Variants in TEC observed in about 807,000 individuals in gnomAD.
TEC encodes the protein tec protein tyrosine kinase, also known as tyrosine-protein kinase Tec.
TEC carries 72 observed loss-of-function variants against 93.0 expected under a neutral mutation model. That is an observed-to-expected ratio of 0.77 (90% confidence interval 0.64 to 0.94). The LOEUF is 0.94. TEC is among the 40% of genes least tolerant of loss of function. The pLI, the probability that TEC is intolerant of heterozygous loss-of-function variation, is 0.00. For synonymous variants in TEC, 249 were observed against 247.7 expected (o/e 1.01, Z -0.05); for missense variants, 630 against 757.9 (o/e 0.83, Z 1.98).
intron 2 of TEC, among the ~76,000 whole-genome samples, chr4:48,209,438 CA>C (rs200833080): frequency 2.0e-5 from 3 of 149,528 alleles, no homozygotes; most frequent in East Asian, 2.0e-4. Flanking sequence ...CTCATCTCTA[CA>C]AAAAAAAATT....
At chr4:48,227,594 G>C (rs1171618052) in intron 2 of TEC, among the ~76,000 whole-genome samples, 1 of 138,464 alleles carries the variant, frequency 7.2e-6, no homozygotes, top group Admixed American at 7.9e-5. Flanking sequence ...TGTGAGCCGA[G>C]ATCGCATCAC....
chr4:48,168,585 C>T lies in TEC; in HGVS notation c.495+1G>A, dbSNP rs781716446. On this transcript the variant is annotated splice_donor_variant, in intron 6 of 17. Transcript: ENST00000381501. LOFTEE classifies it high-confidence loss of function. ...ACTATCAAAAGCTAAAGACCACCTA[C>T]CTTCTTTGTTTCTGGTGCTGGAGGT... The T allele has an allele frequency of 6.2e-7, 1 of 1,609,106 alleles. No homozygotes were observed. Among genetic ancestry groups the T allele is most frequent in the African/African-American group, 1.3e-5 (1 of 74,580 alleles).
At chr4:48,221,671 G>A (rs776773181) in intron 2 of TEC, among the ~76,000 whole-genome samples, 4 of 152,058 alleles carry the variant, frequency 2.6e-5, no homozygotes, top group Non-Finnish European at 5.9e-5. Flanking sequence ...GCTTCACTAC[G>A]TAGGCATGAT....
intron 3 of TEC, among the ~76,000 whole-genome samples, chr4:48,175,543 G>A (rs1406566032): frequency 3.3e-5 from 5 of 152,196 alleles, no homozygotes; most frequent in African/African-American, 4.8e-5. Flanking sequence ...GCAGGAATGC[G>A]GAGTAGCTCA....
chr4:48,242,333 G>T (rs1577666707), intron 1 of TEC, among the ~76,000 whole-genome samples: 1 of 152,178 alleles, frequency 6.6e-6, no homozygotes, highest in East Asian at 1.9e-4. Flanking sequence ...ATAATATTTG[G>T]CCTGATCTAG....
chr4:48,266,506 C>T (rs1281931386), intron 1 of TEC, among the ~76,000 whole-genome samples: 1 of 152,030 alleles, frequency 6.6e-6, no homozygotes, highest in Non-Finnish European at 1.5e-5. Context: ...ATGAAGAGCA[C>T]AAAATAAATA....
chr4:48,141,232 T>C, intron 15 of TEC, 123 bp downstream of exon 15: 1 of 822,236 alleles, frequency 1.2e-6, no homozygotes, highest in Non-Finnish European at 2.0e-6. Context: ...ATATACTTAA[T>C]TTAATCTGAG....
chr4:48,199,689 G>T (rs935843890), intron 2 of TEC, among the ~76,000 whole-genome samples: 2 of 151,782 alleles, frequency 1.3e-5, no homozygotes, highest in African/African-American at 4.8e-5. Context: ...GGGTGGTCTC[G>T]AACTCCTGAC....
At chr4:48,226,593 T>C (rs1723473066) in intron 2 of TEC, among the ~76,000 whole-genome samples, 1 of 151,554 alleles carries the variant, frequency 6.6e-6, no homozygotes, top group Non-Finnish European at 1.5e-5. Context: ...TCTAGCTTAC[T>C]TTATTGTAAG....
At chr4:48,166,250 C>G (rs989276184) in intron 7 of TEC, among the ~76,000 whole-genome samples, 1 of 152,114 alleles carries the variant, frequency 6.6e-6, no homozygotes, top group African/African-American at 2.4e-5. Context: ...AGGTAGCCCC[C>G]CCAGAGCCAG....
intron 2 of TEC, among the ~76,000 whole-genome samples, chr4:48,185,787 CTCCCCCTCCCCCTCTCCCA>C (rs1168414584): frequency 6.0e-5 from 1 of 16,796 alleles, no homozygotes; most frequent in East Asian, 1.1e-3. Context: ...CTCCCTCTCC[CTCCCCCTCCCCCTCTCCCA>C]TCTCCCTCCC....
chr4:48,190,357 A>T (rs991919938), intron 2 of TEC, among the ~76,000 whole-genome samples: 9 of 152,080 alleles, frequency 5.9e-5, no homozygotes, highest in African/African-American at 2.2e-4. Flanking sequence ...CATTAGCAAA[A>T]CCCTCTTACT....
At chr4:48,171,317 A>G in intron 4 of TEC, 51 bp downstream of exon 4, 3 of 1,464,312 alleles carry the variant, frequency 2.0e-6, no homozygotes, top group Middle Eastern at 2.2e-4. Flanking sequence ...AATGATAACA[A>G]TATTACATCT....
chr4:48,179,731 A>T (rs765630188), intron 2 of TEC, among the ~76,000 whole-genome samples: 5 of 152,150 alleles, frequency 3.3e-5, no homozygotes, highest in Non-Finnish European at 5.9e-5. Flanking sequence ...ACATTTCAGA[A>T]GAGGAATGGC....
intron 1 of TEC, among the ~76,000 whole-genome samples, chr4:48,253,079 C>T (rs1724248998): frequency 1.3e-5 from 2 of 152,134 alleles, no homozygotes; most frequent in South Asian, 2.1e-4. Flanking sequence ...CCCTGAACCT[C>T]GTTAACATCT....
chr4:48,167,942 G>A lies in TEC; in HGVS notation c.507C>T (p.Pro169=), dbSNP rs757765310. The change falls in exon 7 of 18, where the codon CCC becomes CCT. Residue 169 remains proline, a synonymous_variant. Coordinates refer to ENST00000381501, the MANE Select transcript of TEC (RefSeq NM_003215.3). The stretch of plus-strand genomic sequence containing the variant: ...CTTCTTCTTCTAGTGGAATTGGTGG[G>A]GGAGGCCTTCGCTAGACAAGGAAGA... ...PAPETKKRRP[P]PPIPLEEEDN... 4.3e-6 allele frequency: 7 copies of A among 1,613,552 alleles called. 1 individual carries two copies. In the Middle Eastern group the frequency reaches 4.9e-4, roughly 114 times the overall value.
chr4:48,139,163 C>T, intron 15 of TEC, 141 bp from the exon 16 acceptor site: 1 of 696,212 alleles, frequency 1.4e-6, no homozygotes, highest in Non-Finnish European at 2.4e-6. Context: ...AAATGTTCAC[C>T]TCAGTGGCCA....
chr4:48,210,940 T>C (rs2109611286), intron 2 of TEC, among the ~76,000 whole-genome samples: 1 of 152,296 alleles, frequency 6.6e-6, no homozygotes, highest in African/African-American at 2.4e-5. Context: ...ATGTATATAA[T>C]AATAACAGCT....
At chr4:48,176,243 G>A in intron 2 of TEC, 57 bp from the exon 3 acceptor site, 5 of 1,330,284 alleles carry the variant, frequency 3.8e-6, no homozygotes, top group Non-Finnish European at 5.3e-6. Context: ...AAAATTAACA[G>A]TAATATTGTT....
Sources: allele counts gnomAD v4.1 joint callset (sites outside exome capture counted in the v4.1 genomes callset), GRCh38; gene constraint gnomAD v4.1.1; transcripts MANE v1.5; gene names NCBI Gene and HGNC (gene_info 2026-07-23, HGNC 2026-07-21).